LRRC37A2: variants seen among roughly 807,000 people sequenced by gnomAD.
The protein encoded by LRRC37A2 is leucine rich repeat containing 37 member A2, also known as leucine-rich repeat-containing protein 37A2.
In LRRC37A2, 9 loss-of-function variants were observed where a neutral mutation model predicts 68.8. That is an observed-to-expected ratio of 0.13 (90% CI 0.08 to 0.23). The LOEUF (loss-of-function observed/expected upper bound fraction) is 0.23, where lower values mean the gene tolerates loss of function less well. LRRC37A2 is among the 10% of genes least tolerant of loss of function. The pLI, the probability that LRRC37A2 is intolerant of heterozygous loss-of-function variation, is 1.00. For synonymous variants in LRRC37A2, 63 were observed against 367.6 expected (o/e 0.17, Z 9.48); for missense variants, 168 against 950.4 (o/e 0.18, Z 10.82).
chr17:46,899,396 C>T, the LRRC37A2 span, among the ~76,000 whole-genome samples: 1 of 151,968 alleles, frequency 6.6e-6, no homozygotes, highest in Non-Finnish European at 1.5e-5. Flanking sequence ...CAGAGCGAGA[C>T]CCTGTCTCAA....
At chr17:46,842,971 T>G in the LRRC37A2 span, among the ~76,000 whole-genome samples, 15 of 152,000 alleles carry the variant, frequency 9.9e-5, no homozygotes, top group African/African-American at 3.6e-4. Context: ...GAGACAAGAT[T>G]TTAAGTTAGG....
At chr17:46,831,603 G>C in the LRRC37A2 span, 1 of 152,752 alleles carries the variant, frequency 6.5e-6, no homozygotes, top group Non-Finnish European at 1.5e-5. Context: ...GCGGGGTCAA[G>C]TTCAGACACC....
chr17:46,893,065 C>T, the LRRC37A2 span, among the ~76,000 whole-genome samples: 1 of 151,958 alleles, frequency 6.6e-6, no homozygotes, highest in Non-Finnish European at 1.5e-5. Context: ...TCCTGGGTAG[C>T]CGGGATTACA....
the LRRC37A2 span, among the ~76,000 whole-genome samples, chr17:46,973,584 T>C: frequency 6.6e-6 from 1 of 152,186 alleles, no homozygotes; most frequent in Non-Finnish European, 1.5e-5. Flanking sequence ...GAACTATGAC[T>C]GCAAGGGTGA....
chr17:47,000,086 T>TAAAAATAA, the LRRC37A2 span, among the ~76,000 whole-genome samples: 93 of 11,516 alleles, frequency 8.1e-3, 4 homozygotes, highest in East Asian at 0.032. Flanking sequence ...AAAAATAAAA[T>TAAAAATAA]AAAATAAAAT....
At chr17:47,015,938 T>C in the LRRC37A2 span, among the ~76,000 whole-genome samples, 2 of 208 alleles carry the variant, frequency 9.6e-3, no homozygotes, top group Non-Finnish European at 0.02. Context: ...CTCTTCCATT[T>C]TATTTATTTT....
the LRRC37A2 span, among the ~76,000 whole-genome samples, chr17:46,794,937 G>T: frequency 1.3e-5 from 2 of 151,852 alleles, no homozygotes. Flanking sequence ...TTTTAGTAGA[G>T]ACGGGGTTTC....
the LRRC37A2 span, among the ~76,000 whole-genome samples, chr17:46,812,916 A>C: frequency 6.6e-6 from 1 of 152,186 alleles, no homozygotes. Flanking sequence ...TATGAAATAG[A>C]GGCAATCATT....
At chr17:46,687,416 C>T in the LRRC37A2 span, among the ~76,000 whole-genome samples, 1 of 151,282 alleles carries the variant, frequency 6.6e-6, no homozygotes, top group Non-Finnish European at 1.5e-5. Flanking sequence ...AAAAAAAATT[C>T]CCTTGTATCT....
chr17:46,799,389 G>C, the LRRC37A2 span, among the ~76,000 whole-genome samples: 1 of 151,470 alleles, frequency 6.6e-6, no homozygotes, highest in Non-Finnish European at 1.5e-5. Flanking sequence ...TGCTACATTA[G>C]ATGACCTGTA....
At chr17:46,783,627 A>T in the LRRC37A2 span, among the ~76,000 whole-genome samples, 1 of 152,302 alleles carries the variant, frequency 6.6e-6, no homozygotes, top group Non-Finnish European at 1.5e-5. Context: ...CCTCTGGGCC[A>T]GAGGGTGCAC....
chr17:46,931,870 A>G, the LRRC37A2 span: 1 of 621,380 alleles, frequency 1.6e-6, no homozygotes, highest in Admixed American at 2.6e-5. Context: ...GTGTGCTACC[A>G]TCTCACTTTA....
the LRRC37A2 span, among the ~76,000 whole-genome samples, chr17:46,998,304 T>C: frequency 6.6e-6 from 1 of 152,136 alleles, no homozygotes; most frequent in Non-Finnish European, 1.5e-5. Flanking sequence ...CGGCCGTGAG[T>C]GTGCTGTGTA....
chr17:46,817,992 G>A, the LRRC37A2 span, among the ~76,000 whole-genome samples: 1 of 152,174 alleles, frequency 6.6e-6, no homozygotes, highest in African/African-American at 2.4e-5. Flanking sequence ...CCACTCCCCT[G>A]CCCCGGGAGG....
chr17:46,492,121 G>A, the LRRC37A2 span, among the ~76,000 whole-genome samples: 7 of 151,262 alleles, frequency 4.6e-5, no homozygotes, highest in African/African-American at 1.2e-4. Flanking sequence ...CCGCCACTAC[G>A]CCTGGCTAAT....
At chr17:46,935,802 A>G in the LRRC37A2 span, 1 of 986,622 alleles carries the variant, frequency 1.0e-6, no homozygotes, top group Non-Finnish European at 1.2e-6. Context: ...TTACAGAAAC[A>G]TTACACAGAC....
the LRRC37A2 span, among the ~76,000 whole-genome samples, chr17:46,776,764 G>T: frequency 6.6e-6 from 1 of 152,156 alleles, no homozygotes; most frequent in African/African-American, 2.4e-5. Context: ...AGAAGCCTGG[G>T]CTGTCCCCGC....
At chr17:46,993,124 C>T in the LRRC37A2 span, among the ~76,000 whole-genome samples, 1 of 149,608 alleles carries the variant, frequency 6.7e-6, no homozygotes, top group East Asian at 2.0e-4. Context: ...CTACAATGAA[C>T]ATGGTATCTT....
chr17:46,936,384 A>T, the LRRC37A2 span: 1 of 985,396 alleles, frequency 1.0e-6, no homozygotes, highest in Non-Finnish European at 1.2e-6. Context: ...CTGGGGCATC[A>T]GCACACCTCT....
Sources: allele counts gnomAD v4.1 joint callset (sites outside exome capture counted in the v4.1 genomes callset), GRCh38; gene constraint gnomAD v4.1.1; transcripts MANE v1.5; gene names NCBI Gene and HGNC (gene_info 2026-07-23, HGNC 2026-07-21).